MROH7: variants seen among roughly 807,000 people sequenced by gnomAD.
The protein encoded by MROH7 is maestro heat-like repeat-containing protein family member 7.
Under a neutral mutation model 129.2 loss-of-function variants are expected in MROH7, and 113 were observed. That is an observed-to-expected ratio of 0.87 (90% CI 0.75 to 1.02). MROH7 has a LOEUF of 1.02. Among genes scored for constraint, MROH7 ranks in the 50% least tolerant of loss-of-function variants. MROH7 has a pLI of 0.00. For missense variants in MROH7, 1,601 were observed against 1,671.3 expected (o/e 0.96, Z 0.73); for synonymous variants, 655 against 667.9 (o/e 0.98, Z 0.30).
intron 3 of MROH7, chr1:54,663,919 C>A: frequency 5.9e-6 from 2 of 339,014 alleles, no homozygotes; most frequent in Non-Finnish European, 1.2e-5. Flanking sequence ...CATCCTCCAG[C>A]GTCCTCTGGT....
rs763263396 is a variant in MROH7 at position 54,678,812 on chromosome 1, C to T, written c.2007C>T (p.Tyr669=). The part of the protein sequence containing the change: ...YESNKHFLGP[Y]NPVSPCQNIL... ...GCAACAAGCATTTCCTGGGGCCCTACAACCCTGTGAGCCCGTGCCAGAACA... is the reference window on the plus strand; with the variant it reads ...GCAACAAGCATTTCCTGGGGCCCTATAACCCTGTGAGCCCGTGCCAGAACA... The change falls in exon 11 of 24, where the codon TAC becomes TAT. Residue 669 remains tyrosine (Y), a synonymous_variant. Transcript: ENST00000421030. 3 of 1,613,814 alleles carry T rather than the reference C, an allele frequency of 1.9e-6. No individual in the cohort carries two copies. The highest frequency in any genetic ancestry group is 1.7e-6 in the Non-Finnish European group (2 of 1,179,864).
chr1:54,702,388 C>A, intron 20 of MROH7, 143 bp downstream of exon 20: 2 of 835,008 alleles, frequency 2.4e-6, no homozygotes, highest in Non-Finnish European at 3.4e-6. Flanking sequence ...TAAAGGTGCC[C>A]ACATCAGGAT....
At chr1:54,688,813 C>A (rs1457009415) in intron 15 of MROH7, among the ~76,000 whole-genome samples, 1 of 152,106 alleles carries the variant, frequency 6.6e-6, no homozygotes, top group African/African-American at 2.4e-5. Context: ...AAAAAGGAGG[C>A]TCTGGAGGGG....
chr1:54,657,838 T>C (rs1170175402), intron 3 of MROH7, among the ~76,000 whole-genome samples: 2 of 152,026 alleles, frequency 1.3e-5, no homozygotes, highest in Non-Finnish European at 2.9e-5. Flanking sequence ...TTTTGGTAGT[T>C]TTAGTAGAGA....
At chr1:54,695,809 G>A (rs1301021036) in intron 17 of MROH7, 1 of 386,510 alleles carries the variant, frequency 2.6e-6, no homozygotes, top group East Asian at 6.2e-5. Flanking sequence ...TTTTTGGTGT[G>A]GCAGAGGACA....
intron 21 of MROH7, among the ~76,000 whole-genome samples, chr1:54,706,038 A>G (rs927463228): frequency 2.0e-5 from 3 of 152,014 alleles, no homozygotes; most frequent in African/African-American, 7.3e-5. Flanking sequence ...AGTAAGCCCT[A>G]TTTCTGTCTG....
intron 3 of MROH7, among the ~76,000 whole-genome samples, chr1:54,661,862 C>T (rs1442037539): frequency 6.6e-6 from 1 of 152,086 alleles, no homozygotes; most frequent in East Asian, 2.0e-4. Flanking sequence ...TCCCAAAGTG[C>T]CGGTATTACA....
chr1:54,670,479 C>G lies in MROH7; in HGVS notation c.1390-18C>G. The G allele has an allele frequency of 6.2e-7, 1 of 1,612,070 alleles. No homozygotes were observed. ...AGTAGCCCTGTCCTCATCGGCCCTT[C>G]TGTGGCCCCCTGTCCAGAGGCAGAT... is the stretch of plus-strand genomic sequence containing the variant. On this transcript the variant is annotated intron_variant, in intron 5 of 23. Coordinates refer to ENST00000421030, the MANE Select transcript of MROH7 (RefSeq NM_001039464.4).
chr1:54,665,060 T>G (rs1476452509), intron 3 of MROH7, 107 bp from the exon 4 acceptor site: 118 of 727,184 alleles, frequency 1.6e-4, no homozygotes, highest in African/African-American at 5.3e-5. Context: ...GCTGCTGGGG[T>G]GGGGTAAGGA....
rs1645149807 is a variant in MROH7 at position 54,686,456 on chromosome 1, C to T, written c.2711+8C>T. 4 of 1,612,878 alleles carry T rather than the reference C, an allele frequency of 2.5e-6. No homozygotes were observed. In the East Asian group the frequency reaches 8.9e-5, roughly 36 times the overall value. ...TCCCTTCGTACCTGTGCGGTATGCT[C>T]TGCCCTCTCTCTTGACCCTGCTGTC... On this transcript the variant is annotated splice_region_variant and intron_variant, in intron 15 of 23. Coordinates refer to ENST00000421030, the MANE Select transcript of MROH7 (RefSeq NM_001039464.4).
intron 17 of MROH7, 111 bp downstream of exon 17, chr1:54,695,601 A>C: frequency 2.7e-6 from 2 of 753,450 alleles, no homozygotes; most frequent in Non-Finnish European, 4.8e-6. Flanking sequence ...AAGCCTTCCC[A>C]TGGGCATGAC....
At position 54,678,854 on chromosome 1, in the gene MROH7, G is replaced by A. The variant is rs757554848; in HGVS notation, c.2049G>A (p.Glu683=). The change falls in exon 11 of 24, where the codon GAG becomes GAA. Residue 683 remains glutamate, a splice_region_variant and synonymous_variant. Transcript: ENST00000421030. ...GCCAGAACATTCTGCGGGTGATCGAGGTGACTGCCTGGTGCCCATCCAGGA... is the reference window on the plus strand; with the variant it reads ...GCCAGAACATTCTGCGGGTGATCGAAGTGACTGCCTGGTGCCCATCCAGGA... ...SPCQNILRVI[E]EFGDFLGPQQ... 1 of 1,612,402 alleles carries A rather than the reference G, an allele frequency of 6.2e-7. No individual in the cohort carries two copies. The highest frequency in any genetic ancestry group is 1.1e-5 in the South Asian group (1 of 91,030).
intron 3 of MROH7, among the ~76,000 whole-genome samples, chr1:54,654,908 A>G (rs1432925422): frequency 6.6e-6 from 1 of 152,012 alleles, no homozygotes. Context: ...TGCTGTAAAT[A>G]TCTTTTCTTA....
At chr1:54,662,596 A>T (rs1298239254) in intron 3 of MROH7, among the ~76,000 whole-genome samples, 1 of 152,176 alleles carries the variant, frequency 6.6e-6, no homozygotes, top group Non-Finnish European at 1.5e-5. Flanking sequence ...TCATTTCAGA[A>T]TAAGTTTCCA....
At chr1:54,654,216 A>T in intron 3 of MROH7, 59 bp downstream of exon 3, 1 of 1,466,888 alleles carries the variant, frequency 6.8e-7, no homozygotes, top group Non-Finnish European at 9.1e-7. Context: ...CTGTCTTCAG[A>T]CTCTTAGGGC....
intron 5 of MROH7, among the ~76,000 whole-genome samples, chr1:54,669,603 C>T (rs1297882322): frequency 6.6e-6 from 1 of 152,210 alleles, no homozygotes; most frequent in East Asian, 1.9e-4. Flanking sequence ...TGGCCCACTG[C>T]AGCATCAAAC....
intron 3 of MROH7, among the ~76,000 whole-genome samples, chr1:54,664,293 T>C (rs760481578): frequency 5.3e-5 from 8 of 152,142 alleles, no homozygotes; most frequent in Non-Finnish European, 8.8e-5. Flanking sequence ...TCATAACAAG[T>C]AGGTGTTTAG....
At chr1:54,682,144 G>GTTTC (rs1164617447) in intron 13 of MROH7, among the ~76,000 whole-genome samples, 2 of 147,742 alleles carry the variant, frequency 1.4e-5, no homozygotes, top group East Asian at 2.0e-4. Flanking sequence ...GGGAAATAGG[G>GTTTC]TTTCTTTCTT....
At chr1:54,690,265 T>G (rs1266240998) in intron 15 of MROH7, among the ~76,000 whole-genome samples, 7 of 114,442 alleles carry the variant, frequency 6.1e-5, no homozygotes, top group African/African-American at 1.0e-4. Flanking sequence ...GGGAGTGGGG[T>G]GAGAAGGGAG....
Sources: allele counts gnomAD v4.1 joint callset (sites outside exome capture counted in the v4.1 genomes callset), GRCh38; gene constraint gnomAD v4.1.1; transcripts MANE v1.5; gene names NCBI Gene and HGNC (gene_info 2026-07-23, HGNC 2026-07-21).